Variants in PDGFRA observed in about 807,000 individuals in gnomAD.
The protein encoded by PDGFRA is platelet-derived growth factor receptor alpha.
Under a neutral mutation model 121.5 loss-of-function variants are expected in PDGFRA, and 25 were observed. The ratio of observed to expected loss-of-function variants is 0.21; its 90% CI spans 0.15 to 0.29. The LOEUF (loss-of-function observed/expected upper bound fraction) is 0.29, where lower values mean the gene tolerates loss of function less well. PDGFRA is among the 10% of genes least tolerant of loss of function. The probability of loss-of-function intolerance (pLI) is 1.00; values close to 1 mark genes in which losing one functional copy is unlikely to be tolerated. For synonymous variants in PDGFRA, 463 were observed against 494.8 expected (o/e 0.94, Z 0.85); for missense variants, 1,008 against 1,345.1 (o/e 0.75, Z 3.92).
chr4:54,268,942 T>C (rs1723183682), intron 7 of PDGFRA, among the ~76,000 whole-genome samples: 1 of 152,164 alleles, frequency 6.6e-6, no homozygotes, highest in African/African-American at 2.4e-5. Context: ...CTTTTAGTGA[T>C]TCAAGGATGC....
At chr4:54,255,378 C>A (rs1722302966) in intron 1 of PDGFRA, among the ~76,000 whole-genome samples, 1 of 152,140 alleles carries the variant, frequency 6.6e-6, no homozygotes, top group Non-Finnish European at 1.5e-5. Flanking sequence ...ATGTAGGCCA[C>A]CTTAGAGCAA....
At chr4:54,261,634 A>G (rs940103600) in intron 3 of PDGFRA, among the ~76,000 whole-genome samples, 3 of 151,976 alleles carry the variant, frequency 2.0e-5, no homozygotes, top group Non-Finnish European at 4.4e-5. Flanking sequence ...TTGTTATGAC[A>G]TGTCCTGTAT....
At chr4:54,261,898 C>CATATATATATATATATAT (rs397880252) in intron 3 of PDGFRA, among the ~76,000 whole-genome samples, 1 of 95,308 alleles carries the variant, frequency 1.0e-5, no homozygotes, top group African/African-American at 4.1e-5. Context: ...AAAAAAGTTA[C>CATATATATATATATATAT]ATATATATAT....
rs554782448 is a variant in PDGFRA, at chr4:54,270,858, A to G, written c.1237+110A>G. 2.6e-4 allele frequency: 187 copies of G among 719,414 alleles called. 2 individuals are homozygous for G. The highest frequency in any genetic ancestry group is 2.5e-3 in the South Asian group (168 of 68,376). 44.6% of individuals were successfully genotyped at this position (719,414 alleles called of 1,614,324 possible). ...GGAAGAAAAGCAGCACTTAGGGGAG[A>G]AGCAGTGTCTGCATATGTCACATAT... On this transcript the variant is annotated intron_variant, in intron 8 of 22. Coordinates refer to ENST00000257290, the MANE Select transcript of PDGFRA (RefSeq NM_006206.6).
intron 1 of PDGFRA, among the ~76,000 whole-genome samples, chr4:54,252,404 T>C (rs968565623): frequency 1.3e-5 from 2 of 152,094 alleles, no homozygotes; most frequent in African/African-American, 4.8e-5. Context: ...ATCTTCCAGA[T>C]TTCACCTTTT....
At chr4:54,268,218 G>A (rs990197880) in intron 7 of PDGFRA, among the ~76,000 whole-genome samples, 1 of 152,190 alleles carries the variant, frequency 6.6e-6, no homozygotes, top group Non-Finnish European at 1.5e-5. Flanking sequence ...GTAGAGCCTG[G>A]CTAATCAGGA....
chr4:54,287,091 G>A (rs936635996), intron 18 of PDGFRA, among the ~76,000 whole-genome samples: 2 of 152,156 alleles, frequency 1.3e-5, no homozygotes, highest in African/African-American at 4.8e-5. Context: ...TCTGTTCTTA[G>A]TTTTGTTCCC....
At chr4:54,255,820 AAAC>A (rs768327064) in intron 1 of PDGFRA, among the ~76,000 whole-genome samples, 54 of 151,550 alleles carry the variant, frequency 3.6e-4, no homozygotes, top group Non-Finnish European at 6.0e-4. Flanking sequence ...TTTTTTTTTA[AAAC>A]AACAACAACA....
intron 1 of PDGFRA, among the ~76,000 whole-genome samples, chr4:54,254,094 G>A (rs1443514800): frequency 6.6e-6 from 1 of 152,284 alleles, no homozygotes; most frequent in East Asian, 1.9e-4. Flanking sequence ...TACTAATTAA[G>A]AATGAGCATT....
chr4:54,230,855 T>C (rs1338251981), intron 1 of PDGFRA, among the ~76,000 whole-genome samples: 1 of 152,184 alleles, frequency 6.6e-6, no homozygotes, highest in Non-Finnish European at 1.5e-5. Flanking sequence ...CACACGAAAT[T>C]AACTCCGCCC....
At chr4:54,279,049 T>C (rs1723919268) in intron 15 of PDGFRA, 1 of 331,986 alleles carries the variant, frequency 3.0e-6, no homozygotes, top group Non-Finnish European at 6.1e-6. Flanking sequence ...AAATGGGTGC[T>C]AAATTGATTG....
At chr4:54,293,375 G>A (rs1001796333) in intron 22 of PDGFRA, among the ~76,000 whole-genome samples, 1 of 147,676 alleles carries the variant, frequency 6.8e-6, no homozygotes, top group Admixed American at 6.7e-5. Flanking sequence ...GCACTGTCCA[G>A]TTGTCTGCCT....
intron 1 of PDGFRA, among the ~76,000 whole-genome samples, chr4:54,231,007 G>C (rs1720631764): frequency 1.3e-5 from 2 of 152,240 alleles, no homozygotes; most frequent in Non-Finnish European, 2.9e-5. Context: ...CAGGAGCCTG[G>C]GCCGGGCCAG....
At chr4:54,234,740 G>C (rs552038512) in intron 1 of PDGFRA, among the ~76,000 whole-genome samples, 7 of 152,274 alleles carry the variant, frequency 4.6e-5, no homozygotes, top group African/African-American at 1.7e-4. Context: ...TCTGAGTGAG[G>C]AGACCTATGT....
In PDGFRA at chr4:54,290,362, T is replaced by C; in HGVS notation, c.2930T>C (p.Val977Ala). The C allele has an allele frequency of 6.2e-7, 1 of 1,611,956 alleles. No individual in the cohort carries two copies. Among genetic ancestry groups the C allele is most frequent in the Non-Finnish European group, 8.5e-7 (1 of 1,177,936 alleles). The change falls in exon 22 of 23, where the codon GTG becomes GCG. Residue 977 changes from valine (V) to alanine (A), a missense_variant. Val to Ala is a moderately conservative substitution (Grantham distance 64). Coordinates refer to ENST00000257290, the MANE Select transcript of PDGFRA (RefSeq NM_006206.6). ...LDFLKSDHPAVARMRVDSDNA... is the reference protein window; with the variant it reads ...LDFLKSDHPAAARMRVDSDNA... ...TTCCTGAAGAGTGACCATCCTGCTGTGGCACGCATGCGTGTGGACTCAGAC... is the reference window on the plus strand; with the variant it reads ...TTCCTGAAGAGTGACCATCCTGCTGCGGCACGCATGCGTGTGGACTCAGAC...
At chr4:54,245,781 G>A (rs1321567898) in intron 1 of PDGFRA, among the ~76,000 whole-genome samples, 1 of 152,156 alleles carries the variant, frequency 6.6e-6, no homozygotes, top group South Asian at 2.1e-4. Flanking sequence ...ATTGGATAAA[G>A]AGTCAAGACC....
chr4:54,265,885 T>C (rs1017818543), intron 5 of PDGFRA, among the ~76,000 whole-genome samples: 1 of 152,238 alleles, frequency 6.6e-6, no homozygotes, highest in African/African-American at 2.4e-5. Context: ...TTCTGCTCCC[T>C]GTTCTTTTAG....
Position 54,267,589 on chromosome 4 carries a change from G to C in PDGFRA, c.969G>C (p.Gln323His), listed in dbSNP as rs769276081. 2.5e-6 allele frequency: 4 copies of C among 1,614,078 alleles called. No individual in the cohort carries two copies. Among genetic ancestry groups the C allele is most frequent in the Non-Finnish European group, 8.5e-7 (1 of 1,180,048 alleles). Residue 323 changes from glutamine to histidine, a missense_variant, in exon 7 of 23, where the codon CAG becomes CAC. Transcript: ENST00000257290. ...TTGAAATCAAACCCACCTTCAGCCA[G>C]TTGGAAGCTGTCAACCTGCATGAAG... Reference protein sequence around the residue: ...GFIEIKPTFSQLEAVNLHEVK... With the variant: ...GFIEIKPTFSHLEAVNLHEVK...
chr4:54,255,431 G>T (rs1459898643), intron 1 of PDGFRA, among the ~76,000 whole-genome samples: 1 of 151,826 alleles, frequency 6.6e-6, no homozygotes. Context: ...TTATCTACTG[G>T]ATCCTGTTTA....
Sources: allele counts gnomAD v4.1 joint callset (sites outside exome capture counted in the v4.1 genomes callset), GRCh38; gene constraint gnomAD v4.1.1; transcripts MANE v1.5; gene names NCBI Gene and HGNC (gene_info 2026-07-23, HGNC 2026-07-21).